Variants in RYK observed in about 807,000 individuals in gnomAD.
The protein encoded by RYK is receptor like tyrosine kinase.
In RYK, 21 loss-of-function variants were observed where a neutral mutation model predicts 70.2. That is an observed-to-expected ratio of 0.30 (90% CI 0.21 to 0.43). RYK has a LOEUF of 0.43. Ranked by LOEUF, RYK falls within the 20% of genes least tolerant of loss-of-function variation. The pLI is 1.00. For synonymous variants in RYK, 267 were observed against 278.0 expected (o/e 0.96, Z 0.39); for missense variants, 604 against 753.3 (o/e 0.80, Z 2.32).
At chr3:134,228,087 G>A (rs1332917052) in intron 1 of RYK, among the ~76,000 whole-genome samples, 1 of 152,228 alleles carries the variant, frequency 6.6e-6, no homozygotes, top group Non-Finnish European at 1.5e-5. Context: ...CCAGAAGTAT[G>A]AGACCAGTCT....
At chr3:134,192,620 A>G (rs1472325874) in intron 7 of RYK, among the ~76,000 whole-genome samples, 1 of 152,178 alleles carries the variant, frequency 6.6e-6, no homozygotes, top group Non-Finnish European at 1.5e-5. Context: ...AACAGAATTT[A>G]CAGCCACAAA....
At chr3:134,214,069 A>G (rs542914360) in intron 2 of RYK, among the ~76,000 whole-genome samples, 3 of 152,166 alleles carry the variant, frequency 2.0e-5, no homozygotes, top group African/African-American at 7.2e-5. Flanking sequence ...GGCCTCCCAC[A>G]TTGCTGAGAT....
Position 134,193,391 on chromosome 3 carries a change from G to A in RYK, c.890-1417C>T, listed in dbSNP as rs572710467. On this transcript the variant is annotated intron_variant, in intron 7 of 14. Transcript: ENST00000623711. ...GTAGAGATGGGGTTTCACCGTGTTA[G>A]CCAGGATGGTCTTGATCTCCTGACC... Among the ~76,000 whole-genome samples, 35 of 152,248 alleles carry A rather than the reference G, an allele frequency of 2.3e-4. No homozygotes were observed. In the South Asian group the frequency reaches 7.2e-3, roughly 32 times the overall value.
intron 6 of RYK, among the ~76,000 whole-genome samples, chr3:134,197,642 G>C (rs1158627613): frequency 6.6e-6 from 1 of 152,154 alleles, no homozygotes; most frequent in Non-Finnish European, 1.5e-5. Context: ...TATCAAAGCT[G>C]TTAGAAGTCC....
At chr3:134,211,705 C>T (rs2107679777) in intron 2 of RYK, 98 bp from the exon 3 acceptor site, 1 of 731,556 alleles carries the variant, frequency 1.4e-6, no homozygotes, top group East Asian at 2.7e-5. Flanking sequence ...AATGGATGAG[C>T]CTTTCATATG....
chr3:134,161,959 C>G (rs2108139388), intron 13 of RYK, among the ~76,000 whole-genome samples: 1 of 152,320 alleles, frequency 6.6e-6, no homozygotes, highest in African/African-American at 2.4e-5. Flanking sequence ...CGTGGCTGTG[C>G]TTCCCCGGAA....
chr3:134,168,988 A>G (rs1458307130), intron 13 of RYK, among the ~76,000 whole-genome samples: 1 of 152,160 alleles, frequency 6.6e-6, no homozygotes, highest in Non-Finnish European at 1.5e-5. Context: ...CTGCAGATGC[A>G]GTCTCTGGAT....
intron 2 of RYK, among the ~76,000 whole-genome samples, chr3:134,221,644 A>C (rs1433984388): frequency 6.6e-6 from 1 of 152,210 alleles, no homozygotes; most frequent in African/African-American, 2.4e-5. Context: ...AAATATTATG[A>C]CAGACACTAC....
chr3:134,214,840 C>A (rs2014503378), intron 2 of RYK, among the ~76,000 whole-genome samples: 1 of 152,178 alleles, frequency 6.6e-6, no homozygotes, highest in Non-Finnish European at 1.5e-5. Flanking sequence ...AACACCCCGG[C>A]AGATCTATTA....
chr3:134,176,584 A>AT (rs58513203), intron 11 of RYK, among the ~76,000 whole-genome samples: 1,538 of 151,444 alleles, frequency 0.01, 28 homozygotes, highest in African/African-American at 0.035. Context: ...ACACAAAATG[A>AT]TTTTTTTTTA....
intron 1 of RYK, among the ~76,000 whole-genome samples, chr3:134,240,496 G>C (rs963822957): frequency 1.3e-5 from 2 of 152,128 alleles, no homozygotes; most frequent in African/African-American, 4.8e-5. Flanking sequence ...ACTTTTTAAA[G>C]GTGCAAACTA....
chr3:134,177,167 G>A (rs1292213513), intron 11 of RYK, among the ~76,000 whole-genome samples: 2 of 152,126 alleles, frequency 1.3e-5, no homozygotes, highest in African/African-American at 2.4e-5. Flanking sequence ...TGGGGCTGAG[G>A]AATAAAATCC....
intron 8 of RYK, among the ~76,000 whole-genome samples, chr3:134,191,610 C>A (rs1233486847): frequency 6.6e-6 from 1 of 152,098 alleles, no homozygotes; most frequent in Non-Finnish European, 1.5e-5. Flanking sequence ...TTAAATATAG[C>A]CAACAATAAT....
chr3:134,166,764 A>G (rs527594129), intron 13 of RYK, among the ~76,000 whole-genome samples: 1,732 of 152,328 alleles, frequency 0.011, 117 homozygotes, highest in Admixed American at 0.099. Flanking sequence ...ATCCTGAGGG[A>G]GAGCCAACGA....
chr3:134,171,190 A>G (rs2012894658), intron 13 of RYK: 1 of 152,252 alleles, frequency 6.6e-6, no homozygotes, highest in African/African-American at 2.4e-5. Context: ...AAGCTGCCAC[A>G]TGAACAAGCA....
chr3:134,216,861 G>C (rs866348272), intron 2 of RYK, among the ~76,000 whole-genome samples: 2 of 144,350 alleles, frequency 1.4e-5, no homozygotes, highest in Admixed American at 7.0e-5. Flanking sequence ...TGTTTCTCCT[G>C]GATATTGGGG....
chr3:134,221,781 G>C (rs1392733999), intron 2 of RYK, among the ~76,000 whole-genome samples: 2 of 152,110 alleles, frequency 1.3e-5, no homozygotes, highest in East Asian at 3.9e-4. Flanking sequence ...ACTGAAGTTG[G>C]TTGGGTACAG....
intron 2 of RYK, among the ~76,000 whole-genome samples, chr3:134,221,054 G>A (rs1390793631): frequency 1.3e-5 from 2 of 151,934 alleles, no homozygotes; most frequent in Non-Finnish European, 2.9e-5. Flanking sequence ...TATTCTGTAG[G>A]GGAAAAAGTA....
intron 5 of RYK, among the ~76,000 whole-genome samples, chr3:134,204,097 A>C (rs984054080): frequency 6.6e-6 from 1 of 152,190 alleles, no homozygotes; most frequent in Non-Finnish European, 1.5e-5. Flanking sequence ...AAGTTTATAA[A>C]AACATTTATT....
Sources: allele counts gnomAD v4.1 joint callset (sites outside exome capture counted in the v4.1 genomes callset), GRCh38; gene constraint gnomAD v4.1.1; transcripts MANE v1.5; gene names NCBI Gene and HGNC (gene_info 2026-07-23, HGNC 2026-07-21).